Variants in RSU1 observed in about 807,000 individuals in gnomAD.
The protein encoded by RSU1 is rsu-1.
Under a neutral mutation model 31.1 loss-of-function variants are expected in RSU1, and 26 were observed. That is an observed-to-expected ratio of 0.84 (90% CI 0.61 to 1.16). RSU1 has a LOEUF of 1.16. Among genes scored for constraint, RSU1 ranks in the 50% most tolerant of loss-of-function variants. RSU1 has a pLI of 0.00. For synonymous variants in RSU1, 164 were observed against 136.3 expected, an observed-to-expected ratio of 1.20 and a Z score of -1.41; for missense variants, 320 against 339.1, an observed-to-expected ratio of 0.94 and a Z score of 0.44.
At chr10:16,700,964 T>C (rs1279798766) in intron 7 of RSU1, among the ~76,000 whole-genome samples, 1 of 152,202 alleles carries the variant, frequency 6.6e-6, no homozygotes, top group Non-Finnish European at 1.5e-5. Context: ...AATCCATATA[T>C]GTATATGACT....
intron 2 of RSU1, among the ~76,000 whole-genome samples, chr10:16,792,349 C>T (rs1031572983): frequency 6.6e-6 from 1 of 152,196 alleles, no homozygotes; most frequent in Non-Finnish European, 1.5e-5. Context: ...TCTCCTGCCT[C>T]GGCCTCCCGA....
At chr10:16,796,969 A>T (rs1838051042) in intron 2 of RSU1, among the ~76,000 whole-genome samples, 1 of 152,210 alleles carries the variant, frequency 6.6e-6, no homozygotes, top group South Asian at 2.1e-4. Flanking sequence ...CAACTAACAA[A>T]CTTGACAACT....
chr10:16,664,651 G>A (rs144056413), intron 8 of RSU1, among the ~76,000 whole-genome samples: 12 of 152,104 alleles, frequency 7.9e-5, no homozygotes, highest in African/African-American at 2.4e-4. Flanking sequence ...TTTTACCTAC[G>A]CAAAGAGAGG....
intron 7 of RSU1, among the ~76,000 whole-genome samples, chr10:16,722,873 T>C (rs1341660921): frequency 6.9e-6 from 1 of 143,888 alleles, no homozygotes; most frequent in Admixed American, 7.1e-5. Flanking sequence ...TATATGTATA[T>C]ATACACACAT....
At chr10:16,752,188 C>G (rs188606878) in intron 7 of RSU1, among the ~76,000 whole-genome samples, 15 of 152,158 alleles carry the variant, frequency 9.9e-5, no homozygotes, top group African/African-American at 3.6e-4. Flanking sequence ...TATTAATAAC[C>G]AACCAAGACC....
chr10:16,802,213 CA>C (rs1838171057), intron 2 of RSU1, among the ~76,000 whole-genome samples: 1 of 147,144 alleles, frequency 6.8e-6, no homozygotes, highest in African/African-American at 2.5e-5. Flanking sequence ...AAAGAACGAA[CA>C]AATTACAAAC....
chr10:16,800,943 G>A (rs1393740991), intron 2 of RSU1, among the ~76,000 whole-genome samples: 2 of 141,318 alleles, frequency 1.4e-5, no homozygotes, highest in African/African-American at 5.7e-5. Context: ...GCCACGGAAA[G>A]CAGAAAAAGA....
rs758647737 is a variant in RSU1, at chr10:16,752,906, T to A, written c.483+12A>T. 4 of 1,609,314 alleles carry A rather than the reference T, an allele frequency of 2.5e-6. No individual in the cohort carries two copies. In the South Asian group the frequency reaches 4.4e-5, roughly 18 times the overall value. On this transcript the variant is annotated intron_variant, in intron 6 of 8. Transcript: ENST00000345264. ...TGAATTGATTTTCTAAGAATTTAGATAAATTACTTACTATCTGCAACTTTG... is the reference window on the plus strand; with the variant it reads ...TGAATTGATTTTCTAAGAATTTAGAAAAATTACTTACTATCTGCAACTTTG...
At position 16,593,345 on chromosome 10, in the gene RSU1, G is replaced by GTGT. The variant is rs1564279270; in HGVS notation, c.*46_*48dup. On this transcript the variant is annotated 3_prime_UTR_variant, in exon 9 of 9. Transcript: ENST00000345264. ...GAGAGACAGGGCAAGAGAGAATGAA[G>GTGT]TGTTGGAGAGAGAAGGTGCTGGAAG... The GTGT allele has an allele frequency of 1.9e-6, 3 of 1,613,240 alleles. No homozygotes were observed. Among genetic ancestry groups the GTGT allele is most frequent in the Non-Finnish European group, 2.5e-6 (3 of 1,179,614 alleles).
chr10:16,713,279 A>G (rs1348549905), intron 7 of RSU1, among the ~76,000 whole-genome samples: 1 of 152,208 alleles, frequency 6.6e-6, no homozygotes, highest in Non-Finnish European at 1.5e-5. Flanking sequence ...TTATTTCATT[A>G]CATAGGTTTT....
chr10:16,615,221 AGGG>A (rs1833955674), intron 8 of RSU1, among the ~76,000 whole-genome samples: 1 of 152,196 alleles, frequency 6.6e-6, no homozygotes, highest in African/African-American at 2.4e-5. Flanking sequence ...AAAAAAAAGC[AGGG>A]GTTGCAATTC....
intron 3 of RSU1, among the ~76,000 whole-genome samples, chr10:16,778,018 C>CTTTTTTTTT (rs10685188): frequency 8.5e-6 from 1 of 117,674 alleles, no homozygotes; most frequent in African/African-American, 3.5e-5. Flanking sequence ...GGTCATATAC[C>CTTTTTTTTT]TTTTTTTTTT....
chr10:16,602,926 G>A (rs78911290), intron 8 of RSU1, among the ~76,000 whole-genome samples: 2,018 of 152,264 alleles, frequency 0.013, 44 homozygotes, highest in African/African-American at 0.045. Flanking sequence ...CCTAGCCGGC[G>A]GCTATCAGGG....
chr10:16,764,249 T>A (rs1479236619), intron 4 of RSU1, 141 bp downstream of exon 4: 19 of 981,046 alleles, frequency 1.9e-5, no homozygotes, highest in African/African-American at 1.6e-4. Context: ...AACAATAAAA[T>A]TTTTTTAAGA....
intron 8 of RSU1, among the ~76,000 whole-genome samples, chr10:16,624,200 T>C (rs1366379114): frequency 7.0e-6 from 1 of 143,392 alleles, no homozygotes; most frequent in African/African-American, 2.8e-5. Context: ...GAGGCCAAGC[T>C]TGCACATGTG....
At chr10:16,744,624 T>C (rs920210018) in intron 7 of RSU1, among the ~76,000 whole-genome samples, 56 of 152,234 alleles carry the variant, frequency 3.7e-4, no homozygotes, top group African/African-American at 1.3e-3. Flanking sequence ...AAGAATTGAA[T>C]GAATGGGTGA....
chr10:16,600,554 GTT>G (rs113657359), intron 8 of RSU1, among the ~76,000 whole-genome samples: 28,427 of 135,682 alleles, frequency 0.21, 3,297 homozygotes, highest in African/African-American at 0.38. Flanking sequence ...ACTGACACGT[GTT>G]TTTTTTTTTT....
At chr10:16,732,870 T>A (rs1309406551) in intron 7 of RSU1, among the ~76,000 whole-genome samples, 1 of 152,188 alleles carries the variant, frequency 6.6e-6, no homozygotes, top group Non-Finnish European at 1.5e-5. Flanking sequence ...TCATAGGTTC[T>A]TAACCACTTC....
intron 5 of RSU1, among the ~76,000 whole-genome samples, chr10:16,753,322 T>A (rs778828691): frequency 6.6e-6 from 1 of 152,220 alleles, no homozygotes; most frequent in African/African-American, 2.4e-5. Context: ...TGATTCACAT[T>A]TATTTCTCCA....
Sources: allele counts gnomAD v4.1 joint callset (sites outside exome capture counted in the v4.1 genomes callset), GRCh38; gene constraint gnomAD v4.1.1; transcripts MANE v1.5; gene names NCBI Gene and HGNC (gene_info 2026-07-23, HGNC 2026-07-21).